Variants in ZNF329 observed in about 807,000 individuals in gnomAD.
ZNF329 encodes the protein zinc finger protein 329.
ZNF329 carries 15 observed loss-of-function variants against 26.6 expected under a neutral mutation model. The ratio of observed to expected loss-of-function variants is 0.56; its 90% CI spans 0.38 to 0.87. The LOEUF (loss-of-function observed/expected upper bound fraction) is 0.87, where lower values mean the gene tolerates loss of function less well. Ranked by LOEUF, ZNF329 falls within the 40% of genes least tolerant of loss-of-function variation. The pLI is 0.00. For synonymous variants in ZNF329, 239 were observed against 233.5 expected (o/e 1.02, Z -0.21); for missense variants, 651 against 651.9 (o/e 1.00, Z 0.02).
intron 3 of ZNF329, chr19:58,136,684 C>CAAAAAAAAAAAAAAA (rs56293356): frequency 1.1e-5 from 1 of 88,700 alleles, no homozygotes; most frequent in African/African-American, 5.0e-5. Flanking sequence ...AGACTGTCTC[C>CAAAAAAAAAAAAAAA]AAAAAAAAAA....
At chr19:58,148,804 A>C in intron 1 of ZNF329, among the ~76,000 whole-genome samples, 1 of 152,246 alleles carries the variant, frequency 6.6e-6, no homozygotes, top group East Asian at 1.9e-4. Context: ...AGCCAAAAAA[A>C]CTAAGTGTAT....
chr19:58,138,221 T>A (rs1430869640), intron 3 of ZNF329, among the ~76,000 whole-genome samples: 2 of 152,012 alleles, frequency 1.3e-5, no homozygotes, highest in African/African-American at 4.8e-5. Flanking sequence ...ATGAAAAAAA[T>A]CTCACCAAGA....
intron 1 of ZNF329, among the ~76,000 whole-genome samples, chr19:58,144,716 T>A (rs1467745315): frequency 6.5e-5 from 9 of 138,946 alleles, no homozygotes; most frequent in African/African-American, 1.9e-4. Context: ...TTTTTTTTTT[T>A]AAAGAGACAG....
intron 3 of ZNF329, among the ~76,000 whole-genome samples, chr19:58,139,662 G>A (rs1490866501): frequency 1.3e-5 from 2 of 152,128 alleles, no homozygotes; most frequent in African/African-American, 4.8e-5. Context: ...CCATCACAGT[G>A]GGGATAAGGC....
intron 3 of ZNF329, among the ~76,000 whole-genome samples, chr19:58,137,868 A>G (rs2075107533): frequency 6.6e-6 from 1 of 151,212 alleles, no homozygotes; most frequent in Non-Finnish European, 1.5e-5. Context: ...GGTCCCAGCT[A>G]CTTGGGAAGC....
chr19:58,147,740 C>T (rs1199882521), intron 1 of ZNF329, among the ~76,000 whole-genome samples: 7 of 143,064 alleles, frequency 4.9e-5, no homozygotes, highest in South Asian at 4.3e-4. Flanking sequence ...ACCCTCTGCC[C>T]GGCCAGCCGC....
At chr19:58,153,098 C>T (rs1225422066), upstream of ZNF329, among the ~76,000 whole-genome samples, 1 of 152,072 alleles carries the variant, frequency 6.6e-6, no homozygotes, top group Non-Finnish European at 1.5e-5. Context: ...ACTGTGCTGG[C>T]ACAAGTGTAT....
chr19:58,153,517 C>T (rs1401730789), upstream of ZNF329, among the ~76,000 whole-genome samples: 1 of 152,182 alleles, frequency 6.6e-6, no homozygotes, highest in African/African-American at 2.4e-5. Flanking sequence ...CATGACTACC[C>T]AACTCTTCCA....
intron 1 of ZNF329, among the ~76,000 whole-genome samples, chr19:58,146,012 AAAAG>A (rs1391702190): frequency 1.3e-5 from 2 of 152,068 alleles, no homozygotes; most frequent in Admixed American, 6.6e-5. Flanking sequence ...AAAAAAAAAA[AAAAG>A]AAAGGAGAGT....
chr19:58,131,322 T>C (rs1172694624), intron 3 of ZNF329, among the ~76,000 whole-genome samples: 1 of 150,868 alleles, frequency 6.6e-6, no homozygotes, highest in African/African-American at 2.4e-5. Context: ...AAGTGGGAGT[T>C]ATCACTTGAG....
At chr19:58,131,623 G>T (rs1253616119) in intron 3 of ZNF329, among the ~76,000 whole-genome samples, 2 of 151,952 alleles carry the variant, frequency 1.3e-5, no homozygotes, top group Non-Finnish European at 2.9e-5. Context: ...AAAGCACAAA[G>T]AATTACTGCC....
chr19:58,145,958 C>T (rs1363711890), intron 1 of ZNF329, among the ~76,000 whole-genome samples: 1 of 147,092 alleles, frequency 6.8e-6, no homozygotes, highest in Non-Finnish European at 1.5e-5. Flanking sequence ...TGACAATCTA[C>T]ACAACCACCA....
chr19:58,151,881 A>G (rs1375759499), upstream of ZNF329, among the ~76,000 whole-genome samples: 3 of 152,178 alleles, frequency 2.0e-5, no homozygotes, highest in African/African-American at 7.2e-5. Context: ...TTGATAGGAA[A>G]AAACAAATCA....
In ZNF329 at chr19:58,133,663, A is replaced by C. The variant is rs1195536020; in HGVS notation, c.-8-4152T>G. Among the ~76,000 whole-genome samples the C allele has an allele frequency of 2.0e-5, 3 of 152,088 alleles. No individual in the cohort carries two copies. In the East Asian group the frequency reaches 5.8e-4, roughly 29 times the overall value. ...TTAGAAAATGTTGTTCTTCAAAAAA[A>C]CCCCAAGAACGAAGGAAGGAAAAAC... On this transcript the variant is annotated intron_variant, in intron 3 of 3. Coordinates refer to ENST00000598312, the MANE Select transcript of ZNF329 (RefSeq NM_024620.4).
chr19:58,147,569 C>T (rs1216928759), intron 1 of ZNF329, among the ~76,000 whole-genome samples: 1 of 143,940 alleles, frequency 6.9e-6, no homozygotes, highest in Non-Finnish European at 1.5e-5. Context: ...CCCCGCCCGG[C>T]CAGCCGCCCC....
chr19:58,144,412 G>A (rs912277675), intron 1 of ZNF329, among the ~76,000 whole-genome samples: 8 of 134,468 alleles, frequency 5.9e-5, no homozygotes, highest in South Asian at 4.4e-4. Flanking sequence ...TTTTTGAGAC[G>A]GAGTCTCGCT....
Position 58,129,440 on chromosome 19 carries a change from C to G in ZNF329, c.64G>C (p.Glu22Gln). Residue 22 changes from glutamate to glutamine, a missense_variant, in exon 4 of 4, where the codon GAA (glutamate) becomes CAA (glutamine). Glu to Gln is a conservative substitution (Grantham distance 29). Coordinates refer to ENST00000598312, the MANE Select transcript of ZNF329 (RefSeq NM_024620.4). Reference protein sequence around the residue: ...EREVPCDVEVERFTREVPCLS... With the variant: ...EREVPCDVEVQRFTREVPCLS... ...CAGGGAACTTCCCTTGTGAATCTTT[C>G]CACTTCTACATCACAGGGTACTTCT... 1 of 1,614,074 alleles carries G rather than the reference C, an allele frequency of 6.2e-7. No homozygotes were observed. Among genetic ancestry groups the G allele is most frequent in the Middle Eastern group, 1.7e-4 (1 of 6,060 alleles).
chr19:58,128,172 C>T lies in ZNF329; in HGVS notation c.1332G>A (p.Arg444=), dbSNP rs1334718156. ...KLFRNIAGLI[R]HQRTHTGEKP... ...TCTCACCAGTATGAGTCCTCTGGTG[C>T]CTAATGAGGCCAGCGATATTCCTGA... The change falls in exon 4 of 4, where the codon AGG becomes AGA. Residue 444 remains arginine (R), a synonymous_variant. Coordinates refer to ENST00000598312, the MANE Select transcript of ZNF329 (RefSeq NM_024620.4). The T allele has an allele frequency of 6.3e-7, 1 of 1,586,678 alleles. No individual in the cohort carries two copies. Among genetic ancestry groups the T allele is most frequent in the Non-Finnish European group, 8.6e-7 (1 of 1,167,438 alleles).
intron 3 of ZNF329, among the ~76,000 whole-genome samples, chr19:58,141,893 CAA>C (rs75871989): frequency 5.7e-5 from 7 of 123,224 alleles, no homozygotes; most frequent in East Asian, 2.3e-4. Context: ...ACCTCCATCT[CAA>C]AAAAAAAAAA....
Sources: gnomAD v4.1 joint callset for allele counts (sites outside exome capture counted in the v4.1 genomes callset) on GRCh38, gnomAD v4.1.1 for gene constraint, MANE v1.5 for transcripts, NCBI Gene and HGNC (gene_info 2026-07-23, HGNC 2026-07-21) for gene names.